INPP4B: variants seen among roughly 807,000 people sequenced by gnomAD.
The protein encoded by INPP4B is inositol polyphosphate 4-phosphatase type II.
A neutral mutation model predicts 122.5 loss-of-function variants in INPP4B; 55 were observed. That is an observed-to-expected ratio of 0.45 (90% CI 0.36 to 0.56). The LOEUF (loss-of-function observed/expected upper bound fraction) is 0.56. INPP4B is among the 20% of genes least tolerant of loss of function. INPP4B has a pLI of 0.00. For missense variants in INPP4B, 1,000 were observed against 1,097.7 expected, an observed-to-expected ratio of 0.91 and a Z score of 1.26; for synonymous variants, 403 against 388.7, an observed-to-expected ratio of 1.04 and a Z score of -0.43.
intron 2 of INPP4B, among the ~76,000 whole-genome samples, chr4:142,664,083 T>C (rs1299372215): frequency 6.6e-6 from 1 of 152,162 alleles, no homozygotes; most frequent in East Asian, 1.9e-4. Flanking sequence ...GCCTGAAGAC[T>C]CTAATTATCT....
intron 2 of INPP4B, among the ~76,000 whole-genome samples, chr4:142,637,899 G>C (rs186227848): frequency 2.6e-4 from 40 of 152,314 alleles, no homozygotes; most frequent in African/African-American, 9.6e-4. Context: ...TCAAAAAGGT[G>C]TGTAGTGGTA....
At chr4:142,076,270 AG>A (rs1384588874) in intron 25 of INPP4B, among the ~76,000 whole-genome samples, 3 of 152,096 alleles carry the variant, frequency 2.0e-5, no homozygotes, top group Non-Finnish European at 4.4e-5. Context: ...CATTTTGTTC[AG>A]GAAGTTGAAG....
intron 1 of INPP4B, among the ~76,000 whole-genome samples, chr4:142,733,500 C>G (rs538944343): frequency 3.3e-5 from 5 of 152,132 alleles, no homozygotes; most frequent in Admixed American, 3.3e-4. Context: ...AGAAGGCTTT[C>G]AAATTTTCAA....
intron 7 of INPP4B, among the ~76,000 whole-genome samples, chr4:142,382,613 TTATA>T (rs199947062): frequency 1.8e-5 from 2 of 111,270 alleles, no homozygotes; most frequent in Non-Finnish European, 3.7e-5. Flanking sequence ...TATTTATATA[TTATA>T]TATATACTAT....
rs1426025672 is a variant in INPP4B, at chr4:142,258,172, C to G, written c.688+2320G>C. On this transcript the variant is annotated intron_variant, in intron 11 of 25. Transcript: ENST00000262992. ...CATATGTAGAAAGCTGAAACTGGAT[C>G]CCTTCCTTATACCTTATACAAAAAT... Among the ~76,000 whole-genome samples, 4 of 152,236 alleles carry G rather than the reference C, an allele frequency of 2.6e-5. No individual in the cohort carries two copies. In the East Asian group the frequency reaches 7.7e-4, roughly 29 times the overall value.
chr4:142,720,392 TAG>T (rs1328107608), intron 2 of INPP4B, among the ~76,000 whole-genome samples: 1 of 152,060 alleles, frequency 6.6e-6, no homozygotes, highest in Non-Finnish European at 1.5e-5. Flanking sequence ...ATTAAAAATA[TAG>T]AGAGCTATCC....
At chr4:142,824,967 A>AT (rs1384098466) in intron 1 of INPP4B, among the ~76,000 whole-genome samples, 3 of 152,102 alleles carry the variant, frequency 2.0e-5, no homozygotes, top group Non-Finnish European at 4.4e-5. Context: ...GCACTAGAGA[A>AT]TTTAAACTAG....
At chr4:142,676,906 C>T (rs920772412) in intron 2 of INPP4B, among the ~76,000 whole-genome samples, 4 of 152,108 alleles carry the variant, frequency 2.6e-5, no homozygotes, top group Non-Finnish European at 5.9e-5. Context: ...AAAACTTAGG[C>T]CATACCATTT....
chr4:142,029,442 T>C (rs1448462072), intron 25 of INPP4B: 6 of 985,994 alleles, frequency 6.1e-6, no homozygotes, highest in Non-Finnish European at 6.0e-6. Flanking sequence ...CTCAGCTTTA[T>C]AAAGGAAGAG....
intron 2 of INPP4B, among the ~76,000 whole-genome samples, chr4:142,498,165 A>G (rs947952737): frequency 2.7e-5 from 4 of 150,670 alleles, no homozygotes; most frequent in Non-Finnish European, 5.9e-5. Flanking sequence ...ATACATATAT[A>G]TGTATGTATA....
intron 1 of INPP4B, among the ~76,000 whole-genome samples, chr4:142,741,688 A>G (rs1443090848): frequency 6.6e-6 from 1 of 152,028 alleles, no homozygotes; most frequent in African/African-American, 2.4e-5. Context: ...TCAGAGAGGG[A>G]CTTAATAAAC....
chr4:142,479,332 G>C (rs1483990079), intron 2 of INPP4B, among the ~76,000 whole-genome samples: 1 of 152,178 alleles, frequency 6.6e-6, no homozygotes, highest in Non-Finnish European at 1.5e-5. Context: ...TGAATTAGCA[G>C]AGAAAAGACA....
chr4:142,721,534 G>A (rs1268249182), intron 2 of INPP4B, among the ~76,000 whole-genome samples: 1 of 152,166 alleles, frequency 6.6e-6, no homozygotes, highest in Non-Finnish European at 1.5e-5. Context: ...TTAAAACGAT[G>A]TCATAAGGCC....
chr4:142,600,982 C>A (rs1739766863), intron 2 of INPP4B, among the ~76,000 whole-genome samples: 1 of 151,896 alleles, frequency 6.6e-6, no homozygotes, highest in African/African-American at 2.4e-5. Flanking sequence ...GATCAATCTA[C>A]CAAGACAATA....
intron 7 of INPP4B, among the ~76,000 whole-genome samples, chr4:142,336,405 T>C (rs1321139125): frequency 1.3e-5 from 2 of 152,134 alleles, no homozygotes; most frequent in Non-Finnish European, 2.9e-5. Flanking sequence ...GCCCAGACCT[T>C]AGGACTCCTT....
intron 4 of INPP4B, among the ~76,000 whole-genome samples, chr4:142,429,442 TATG>T (rs1435050037): frequency 6.6e-6 from 1 of 152,088 alleles, no homozygotes; most frequent in Non-Finnish European, 1.5e-5. Context: ...ATTTTATCTG[TATG>T]GTTATAAAGA....
intron 25 of INPP4B, among the ~76,000 whole-genome samples, chr4:142,033,261 T>C (rs1741533094): frequency 1.3e-5 from 2 of 152,168 alleles, no homozygotes; most frequent in Admixed American, 6.5e-5. Flanking sequence ...GTCCACAATG[T>C]GTGTCTTGCC....
At chr4:142,241,000 A>T (rs1195885445) in intron 11 of INPP4B, among the ~76,000 whole-genome samples, 3 of 151,418 alleles carry the variant, frequency 2.0e-5, no homozygotes, top group Admixed American at 2.0e-4. Context: ...TGTCAACTTT[A>T]AAAAAAAAGA....
intron 2 of INPP4B, among the ~76,000 whole-genome samples, chr4:142,716,804 CA>C (rs1763832407): frequency 6.6e-6 from 1 of 152,182 alleles, no homozygotes; most frequent in African/African-American, 2.4e-5. Flanking sequence ...TCTATCCAAC[CA>C]ATTGTAATGG....
Sources: allele counts gnomAD v4.1 joint callset (sites outside exome capture counted in the v4.1 genomes callset), GRCh38; gene constraint gnomAD v4.1.1; transcripts MANE v1.5; gene names NCBI Gene and HGNC (gene_info 2026-07-23, HGNC 2026-07-21).